The following AAMDC variants were observed in gnomAD, a reference collection of about 807,000 sequenced individuals.
AAMDC encodes adipogenesis associated Mth938 domain containing, also known as mth938 domain-containing protein.
In AAMDC, 16 loss-of-function variants were observed where a neutral mutation model predicts 15.5. The ratio of observed to expected loss-of-function variants is 1.03; its 90% confidence interval spans 0.70 to 1.57. AAMDC has a LOEUF of 1.57. AAMDC is among the 40% of genes most tolerant of loss of function. The pLI is 0.00. For missense variants in AAMDC, 141 were observed against 144.9 expected (o/e 0.97, Z 0.14); for synonymous variants, 51 against 51.6 (o/e 0.99, Z 0.05).
At chr11:77,838,466 C>G (rs1415777864) in intron 1 of AAMDC, among the ~76,000 whole-genome samples, 1 of 152,114 alleles carries the variant, frequency 6.6e-6, no homozygotes, top group African/African-American at 2.4e-5. Flanking sequence ...ACAACTCTTG[C>G]CCAAGGGTGA....
intron 2 of AAMDC, among the ~76,000 whole-genome samples, chr11:77,849,859 T>A (rs1336783868): frequency 6.6e-6 from 1 of 152,202 alleles, no homozygotes; most frequent in Non-Finnish European, 1.5e-5. Flanking sequence ...TTATCTCCTC[T>A]ATGAAGCATT....
chr11:77,900,201 A>C (rs1337097447), intron 5 of AAMDC, among the ~76,000 whole-genome samples: 4 of 151,930 alleles, frequency 2.6e-5, no homozygotes, highest in African/African-American at 4.8e-5. Flanking sequence ...CCAGGTTCTA[A>C]AGATTCTCCT....
intron 1 of AAMDC, chr11:77,841,044 C>T (rs1816545019): frequency 6.9e-6 from 4 of 581,074 alleles, no homozygotes; most frequent in South Asian, 4.6e-5. Flanking sequence ...AGTCCAAGAC[C>T]AGTTGGCTCG....
At chr11:77,901,465 C>T (rs754443970), downstream of AAMDC, 5 of 1,613,984 alleles carry the variant, frequency 3.1e-6, no homozygotes, top group Non-Finnish European at 4.2e-6. Flanking sequence ...AAGCTTTGGC[C>T]TGCAGCCTCA....
At chr11:77,876,104 C>A (rs1951586628), downstream of AAMDC, among the ~76,000 whole-genome samples, 1 of 152,000 alleles carries the variant, frequency 6.6e-6, no homozygotes, top group African/African-American at 2.4e-5. Flanking sequence ...AAGAAGAGGA[C>A]TAAGAAACAT....
chr11:77,877,067 G>GA (rs754879246), downstream of AAMDC: 9 of 702,640 alleles, frequency 1.3e-5, no homozygotes, highest in Middle Eastern at 4.6e-4. Context: ...CACTAGAAAA[G>GA]TCAGCTCCCT....
chr11:77,898,777 T>C (rs1171611637), intron 5 of AAMDC, among the ~76,000 whole-genome samples: 2 of 152,086 alleles, frequency 1.3e-5, no homozygotes, highest in East Asian at 1.9e-4. Context: ...CCCAGCACTT[T>C]GGGAGGCCAA....
intron 5 of AAMDC, among the ~76,000 whole-genome samples, chr11:77,888,632 C>A (rs1217171017): frequency 3.3e-5 from 5 of 152,132 alleles, no homozygotes; most frequent in African/African-American, 1.2e-4. Flanking sequence ...TCAGAGTGAA[C>A]AGGCAACATA....
In AAMDC at chr11:77,869,744, C is replaced by T. The variant is rs1951324125; in HGVS notation, c.155C>T (p.Ala52Val). 6.2e-7 allele frequency: 1 copy of T among 1,613,792 alleles called. No individual in the cohort carries two copies. Among genetic ancestry groups the T allele is most frequent in the Non-Finnish European group, 8.5e-7 (1 of 1,179,790 alleles). The change falls in exon 3 of 4, where the codon GCA becomes GTA. Residue 52 changes from alanine to valine, a missense_variant. Transcript: ENST00000393427. ...CAGCATTCTCCTGGTGTGCAGCCTG[C>T]AGATGTGAAGGAAGTTGTTGAGAAG... ...GTEHSPGVQP[A>V]DVKEVVEKGV...
chr11:77,845,609 T>C lies in AAMDC; in HGVS notation c.132+2981T>C, dbSNP rs540597541. Among the ~76,000 whole-genome samples, 19 of 152,208 alleles carry C rather than the reference T, an allele frequency of 1.2e-4. No individual in the cohort carries two copies. In the East Asian group the frequency reaches 3.5e-3, roughly 28 times the overall value. ...CCATGTCCAGCTCTTTTTGTATTTT[T>C]AGTAGAGACAGGGTTTTACCATGTT... is the stretch of plus-strand genomic sequence containing the variant. On this transcript the variant is annotated intron_variant, in intron 2 of 3. Coordinates refer to ENST00000393427, the MANE Select transcript of AAMDC (RefSeq NM_024684.4).
intron 1 of AAMDC, among the ~76,000 whole-genome samples, chr11:77,830,332 ATACTGCCCT>A (rs1949363780): frequency 6.6e-6 from 1 of 152,150 alleles, no homozygotes; most frequent in South Asian, 2.1e-4. Context: ...GGGCAAACTG[ATACTGCCCT>A]GCCACCAAAA....
At chr11:77,879,836 C>G (rs991860238) in intron 5 of AAMDC, among the ~76,000 whole-genome samples, 1 of 152,094 alleles carries the variant, frequency 6.6e-6, no homozygotes, top group Non-Finnish European at 1.5e-5. Flanking sequence ...AGGAGGAGCG[C>G]AGGAAGGCTT....
At chr11:77,869,694 C>T (rs1427439958) in intron 2 of AAMDC, 28 bp from the exon 3 acceptor site, 2 of 1,598,732 alleles carry the variant, frequency 1.3e-6, no homozygotes, top group Middle Eastern at 1.6e-4. Flanking sequence ...AGAGCAGGTA[C>T]CTGTCTACTT....
intron 1 of AAMDC, among the ~76,000 whole-genome samples, chr11:77,832,847 G>A (rs1949495876): frequency 6.6e-6 from 1 of 151,596 alleles, no homozygotes. Context: ...TTTGGCACAA[G>A]GGACCAGTAT....
intron 5 of AAMDC, chr11:77,878,649 T>G (rs776062263): frequency 1.6e-6 from 1 of 635,564 alleles, no homozygotes; most frequent in Non-Finnish European, 2.8e-6. Flanking sequence ...AGGAATAGCA[T>G]GTAAGCACGT....
At chr11:77,876,402 C>A (rs1044182315), downstream of AAMDC, among the ~76,000 whole-genome samples, 6 of 144,952 alleles carry the variant, frequency 4.1e-5, no homozygotes, top group Admixed American at 1.4e-4. Context: ...ATAAAAAGGT[C>A]TTTTTTTTTT....
At chr11:77,898,206 C>A (rs959778324) in intron 5 of AAMDC, among the ~76,000 whole-genome samples, 1 of 152,184 alleles carries the variant, frequency 6.6e-6, no homozygotes, top group Admixed American at 6.5e-5. Context: ...CTCTGTCACC[C>A]AGGCTGGAGT....
chr11:77,867,769 C>G (rs959937836), intron 2 of AAMDC, among the ~76,000 whole-genome samples: 5 of 152,178 alleles, frequency 3.3e-5, no homozygotes, highest in Non-Finnish European at 7.3e-5. Flanking sequence ...TCCTTTAATG[C>G]TCAATTCATC....
At chr11:77,893,891 T>TTAAATAAATAAA (rs56269909) in intron 5 of AAMDC, among the ~76,000 whole-genome samples, 37,247 of 137,380 alleles carry the variant, frequency 0.27, 5,505 homozygotes, top group African/African-American at 0.33. Context: ...AGACTCTGTC[T>TTAAATAAATAAA]TAAATAAATA....
Sources: gnomAD v4.1 joint callset for allele counts (sites outside exome capture counted in the v4.1 genomes callset) on GRCh38, gnomAD v4.1.1 for gene constraint, MANE v1.5 for transcripts, NCBI Gene and HGNC (gene_info 2026-07-23, HGNC 2026-07-21) for gene names.